The following NDUFAF2 variants were observed in gnomAD, a reference collection of about 807,000 sequenced individuals.
NDUFAF2 encodes the protein NADH dehydrogenase [ubiquinone] 1 alpha subcomplex assembly factor 2.
In NDUFAF2, 13 loss-of-function variants were observed where a neutral mutation model predicts 22.8. The observed-to-expected ratio is 0.57, with a 90% confidence interval of 0.37 to 0.91. The LOEUF (loss-of-function observed/expected upper bound fraction) is 0.91. Ranked by LOEUF, NDUFAF2 falls within the 40% of genes least tolerant of loss-of-function variation. The pLI is 0.01. For missense variants in NDUFAF2, 162 were observed against 195.2 expected (o/e 0.83, Z 1.01); for synonymous variants, 53 against 64.2 (o/e 0.83, Z 0.84).
At chr5:61,056,399 C>T (rs1752089882) in intron 1 of NDUFAF2, among the ~76,000 whole-genome samples, 1 of 152,144 alleles carries the variant, frequency 6.6e-6, no homozygotes, top group Non-Finnish European at 1.5e-5. Flanking sequence ...GCAGCCTTCA[C>T]AAGCAAAATG....
chr5:61,085,190 G>A (rs987773149), intron 2 of NDUFAF2, among the ~76,000 whole-genome samples: 4 of 152,034 alleles, frequency 2.6e-5, no homozygotes, highest in Non-Finnish European at 5.9e-5. Context: ...TATATAAAAA[G>A]GGCAGTATAC....
chr5:61,124,622 T>G (rs1201548047), intron 3 of NDUFAF2, among the ~76,000 whole-genome samples: 1 of 152,104 alleles, frequency 6.6e-6, no homozygotes. Flanking sequence ...AAAATTAAAA[T>G]TAAAAATTTA....
intron 1 of NDUFAF2, among the ~76,000 whole-genome samples, chr5:61,031,453 G>A (rs1287215835): frequency 1.3e-5 from 2 of 151,974 alleles, no homozygotes; most frequent in African/African-American, 4.8e-5. Flanking sequence ...ATGGTTTCCA[G>A]CTTCATCCAT....
chr5:61,138,623 G>A (rs1302625810), intron 3 of NDUFAF2, among the ~76,000 whole-genome samples: 2 of 152,154 alleles, frequency 1.3e-5, no homozygotes, highest in Admixed American at 6.5e-5. Context: ...GAAGTAGGGT[G>A]TTGCCTTGGA....
intron 1 of NDUFAF2, among the ~76,000 whole-genome samples, chr5:61,043,968 C>A (rs866947762): frequency 2.9e-4 from 44 of 152,162 alleles, no homozygotes; most frequent in Admixed American, 1.7e-3. Context: ...TACATTCCCA[C>A]CAACAGTGTG....
intron 3 of NDUFAF2, among the ~76,000 whole-genome samples, chr5:61,100,211 T>C (rs1389318310): frequency 6.6e-6 from 1 of 152,164 alleles, no homozygotes; most frequent in Admixed American, 6.6e-5. Flanking sequence ...AGCCTTCTGA[T>C]TCTCCTTCTC....
chr5:60,975,162 A>T (rs976838689), intron 1 of NDUFAF2, among the ~76,000 whole-genome samples: 2 of 152,048 alleles, frequency 1.3e-5, no homozygotes, highest in African/African-American at 4.8e-5. Flanking sequence ...TGTTGAGGGC[A>T]TGAGTTTTAT....
intron 1 of NDUFAF2, among the ~76,000 whole-genome samples, chr5:60,950,870 C>T (rs1003068553): frequency 3.9e-5 from 6 of 152,054 alleles, no homozygotes; most frequent in Middle Eastern, 3.2e-3. Context: ...CCCTAGCAAC[C>T]ACTGATCTTT....
intron 1 of NDUFAF2, among the ~76,000 whole-genome samples, chr5:61,024,981 C>G (rs1309026963): frequency 6.6e-6 from 1 of 151,942 alleles, no homozygotes; most frequent in Non-Finnish European, 1.5e-5. Flanking sequence ...TGCTTCTCTC[C>G]TGGCTAACTC....
intron 1 of NDUFAF2, among the ~76,000 whole-genome samples, chr5:61,052,815 T>G (rs1752041574): frequency 6.6e-6 from 1 of 152,238 alleles, no homozygotes; most frequent in South Asian, 2.1e-4. Flanking sequence ...AACCAGTTTT[T>G]CTGGGGCGAA....
intron 1 of NDUFAF2, among the ~76,000 whole-genome samples, chr5:60,952,766 C>T (rs904512274): frequency 3.3e-5 from 5 of 151,900 alleles, no homozygotes; most frequent in Admixed American, 2.6e-4. Context: ...CTTATTCTAT[C>T]AATTATTGAA....
intron 1 of NDUFAF2, among the ~76,000 whole-genome samples, chr5:61,026,291 T>C (rs1751649105): frequency 6.6e-6 from 1 of 152,060 alleles, no homozygotes; most frequent in Admixed American, 6.6e-5. Flanking sequence ...CTAGCATTTT[T>C]CCTCAGCATT....
intron 3 of NDUFAF2, among the ~76,000 whole-genome samples, chr5:61,143,270 C>T (rs1006003191): frequency 3.9e-5 from 6 of 151,930 alleles, no homozygotes; most frequent in African/African-American, 1.2e-4. Context: ...CTACATAAAT[C>T]GTTTTGTAGT....
At chr5:61,094,387 A>G (rs1752609267) in intron 2 of NDUFAF2, among the ~76,000 whole-genome samples, 1 of 152,222 alleles carries the variant, frequency 6.6e-6, no homozygotes, top group African/African-American at 2.4e-5. Flanking sequence ...AGCCTCTGCA[A>G]TGTTGTATCA....
At chr5:61,012,660 A>G (rs890429678) in intron 1 of NDUFAF2, among the ~76,000 whole-genome samples, 1 of 152,050 alleles carries the variant, frequency 6.6e-6, no homozygotes, top group Admixed American at 6.6e-5. Context: ...CATGTTGAGT[A>G]AATGTAAATT....
intron 1 of NDUFAF2, among the ~76,000 whole-genome samples, chr5:61,047,774 TGA>T (rs1217320532): frequency 1.3e-5 from 2 of 152,148 alleles, no homozygotes; most frequent in African/African-American, 4.8e-5. Context: ...GGTTTCCTAC[TGA>T]GATATTAAGG....
chr5:60,983,021 G>A (rs546398448), intron 1 of NDUFAF2, among the ~76,000 whole-genome samples: 4 of 151,736 alleles, frequency 2.6e-5, no homozygotes, highest in Admixed American at 1.3e-4. Context: ...CACCAACAGT[G>A]TAAAAGTGTT....
chr5:61,045,397 G>A (rs1751941124), intron 1 of NDUFAF2, among the ~76,000 whole-genome samples: 1 of 150,154 alleles, frequency 6.7e-6, no homozygotes, highest in Non-Finnish European at 1.5e-5. Context: ...TCAGTGTGCA[G>A]GTTTTTTGCT....
intron 1 of NDUFAF2, among the ~76,000 whole-genome samples, chr5:60,967,669 T>G (rs1265559611): frequency 6.6e-6 from 1 of 151,862 alleles, no homozygotes; most frequent in African/African-American, 2.4e-5. Context: ...TGGCAAACCA[T>G]TCTTGCTTTC....
Sources: allele counts gnomAD v4.1 joint callset (sites outside exome capture counted in the v4.1 genomes callset), GRCh38; gene constraint gnomAD v4.1.1; transcripts MANE v1.5; gene names NCBI Gene and HGNC (gene_info 2026-07-23, HGNC 2026-07-21).